GOLIM4: variants seen among roughly 807,000 people sequenced by gnomAD.
GOLIM4 encodes the protein 130 kDa golgi-localized phosphoprotein.
Under a neutral mutation model 107.4 loss-of-function variants are expected in GOLIM4, and 71 were observed. The ratio of observed to expected loss-of-function variants is 0.66; its 90% CI spans 0.55 to 0.81. GOLIM4 has a LOEUF of 0.81. Ranked by LOEUF, GOLIM4 falls within the 30% of genes least tolerant of loss-of-function variation. The probability of loss-of-function intolerance (pLI) is 0.00; values close to 1 mark genes in which losing one functional copy is unlikely to be tolerated. For synonymous variants in GOLIM4, 327 were observed against 294.8 expected, an observed-to-expected ratio of 1.11 and a Z score of -1.12; for missense variants, 830 against 826.1, an observed-to-expected ratio of 1.00 and a Z score of -0.06.
chr3:168,059,505 A>T (rs1720145723), intron 1 of GOLIM4, among the ~76,000 whole-genome samples: 1 of 152,238 alleles, frequency 6.6e-6, no homozygotes, highest in Non-Finnish European at 1.5e-5. Context: ...TTACTACTGC[A>T]TCCCAAATAT....
chr3:168,092,512 T>A (rs1004857165), intron 1 of GOLIM4, among the ~76,000 whole-genome samples: 3 of 152,198 alleles, frequency 2.0e-5, no homozygotes, highest in Non-Finnish European at 2.9e-5. Flanking sequence ...ATACGCTCAC[T>A]TAACGAACGC....
At chr3:168,029,708 A>C in intron 10 of GOLIM4, 72 bp downstream of exon 10, 1 of 1,558,770 alleles carries the variant, frequency 6.4e-7, no homozygotes, top group Non-Finnish European at 8.7e-7. Context: ...CAAATGCACA[A>C]AACTGTTTTT....
chr3:168,065,672 C>T (rs570327238), intron 1 of GOLIM4, among the ~76,000 whole-genome samples: 2 of 152,226 alleles, frequency 1.3e-5, no homozygotes, highest in South Asian at 2.1e-4. Flanking sequence ...ATAACTCTTC[C>T]ACATACTGGG....
chr3:168,064,105 A>C (rs1160321723), intron 1 of GOLIM4, among the ~76,000 whole-genome samples: 1 of 152,182 alleles, frequency 6.6e-6, no homozygotes, highest in Non-Finnish European at 1.5e-5. Context: ...TGGTCCCAGG[A>C]GGCTTCCCCA....
At chr3:168,044,602 T>C (rs1719197496) in intron 4 of GOLIM4, among the ~76,000 whole-genome samples, 1 of 152,192 alleles carries the variant, frequency 6.6e-6, no homozygotes, top group African/African-American at 2.4e-5. Context: ...GAGCCTGATT[T>C]GCAAGAAAAT....
intron 1 of GOLIM4, among the ~76,000 whole-genome samples, chr3:168,050,929 G>A (rs1201165148): frequency 2.0e-5 from 3 of 151,488 alleles, no homozygotes; most frequent in Admixed American, 2.0e-4. Context: ...ACCCACCCCA[G>A]TCACCTCAGA....
Position 168,029,265 on chromosome 3 carries a change from C to G in GOLIM4, c.1471G>C (p.Val491Leu), listed in dbSNP as rs373725217. 2 of 1,610,780 alleles carry G rather than the reference C, an allele frequency of 1.2e-6. No homozygotes were observed. Among genetic ancestry groups the G allele is most frequent in the East Asian group, 2.2e-5 (1 of 44,772 alleles). The part of the protein sequence containing the change: ...AHYDAMDNDI[V>L]QGAEDQGIQG... ...ATTCCCTGGTCCTCTGCTCCCTGAA[C>G]GATATCATTATCCATAGCATCATAA... is the stretch of plus-strand genomic sequence containing the variant. Residue 491 changes from valine to leucine, a missense_variant, in exon 11 of 16, where the codon GTT becomes CTT. Physicochemically the swap from Val to Leu is conservative, Grantham distance 32 (BLOSUM62 1). Transcript: ENST00000470487.
chr3:168,075,365 C>T (rs1039846020), intron 1 of GOLIM4, among the ~76,000 whole-genome samples: 12 of 131,604 alleles, frequency 9.1e-5, no homozygotes, highest in African/African-American at 3.5e-4. Context: ...GGCGGGATCT[C>T]GGCTCACTGC....
In GOLIM4 at chr3:168,032,569, T is replaced by C. The variant is rs144204434; in HGVS notation, c.1127A>G (p.His376Arg). ...EEQDREWKEQ[H>R]EQREAANLLE... ...GAGGTTGGCTGCTTCTCGTTGCTCA[T>C]GCTGCTCTTTCCACTCCCGATCCTG... is the stretch of plus-strand genomic sequence containing the variant. Residue 376 changes from histidine to arginine, a missense_variant, in exon 9 of 16, where the codon CAT becomes CGT. By Grantham distance (29) the His-to-Arg change is conservative. Coordinates refer to ENST00000470487, the MANE Select transcript of GOLIM4 (RefSeq NM_014498.5). 9 of 1,613,990 alleles carry C rather than the reference T, an allele frequency of 5.6e-6. No individual in the cohort carries two copies. Among genetic ancestry groups the C allele is most frequent in the South Asian group, 3.3e-5 (3 of 91,068 alleles).
intron 11 of GOLIM4, among the ~76,000 whole-genome samples, chr3:168,028,448 A>G (rs926121850): frequency 1.3e-5 from 2 of 152,252 alleles, no homozygotes; most frequent in Non-Finnish European, 2.9e-5. Flanking sequence ...ATCACTTTTT[A>G]AAACAAGTAA....
rs529485427 is a variant in GOLIM4 at position 168,023,411 on chromosome 3, A to G, written c.1860+1115T>C. Among the ~76,000 whole-genome samples the G allele has an allele frequency of 3.3e-5, 5 of 152,384 alleles. No individual in the cohort carries two copies. In the East Asian group the frequency reaches 9.6e-4, roughly 29 times the overall value. ...TATTAGAAATGTTGCCAGTGACCTT[A>G]AAGAGCAACATCCTTTTCTGTTTTC... On this transcript the variant is annotated intron_variant, in intron 14 of 15. Coordinates refer to ENST00000470487, the MANE Select transcript of GOLIM4 (RefSeq NM_014498.5).
At chr3:168,046,467 TC>T (rs2108250872) in intron 3 of GOLIM4, among the ~76,000 whole-genome samples, 2 of 152,292 alleles carry the variant, frequency 1.3e-5, no homozygotes, top group East Asian at 3.9e-4. Context: ...AGTGTCTGTG[TC>T]CCTGGGTACT....
rs371236504 is a variant in GOLIM4, at chr3:168,010,740, T to C, written c.1941+3A>G. ...TCAATAGAAATATGTATCCCGGTCATACATTTTCATCATTTTCACCATAGG... is the reference window on the plus strand; with the variant it reads ...TCAATAGAAATATGTATCCCGGTCACACATTTTCATCATTTTCACCATAGG... On this transcript the variant is annotated splice_donor_region_variant and intron_variant, in intron 15 of 15. Coordinates refer to ENST00000470487, the MANE Select transcript of GOLIM4 (RefSeq NM_014498.5). The C allele has an allele frequency of 6.3e-7, 1 of 1,594,318 alleles. No individual in the cohort carries two copies. Among genetic ancestry groups the C allele is most frequent in the Non-Finnish European group, 8.6e-7 (1 of 1,162,406 alleles).
intron 1 of GOLIM4, among the ~76,000 whole-genome samples, chr3:168,055,088 C>T (rs532677654): frequency 8.4e-4 from 128 of 152,166 alleles, no homozygotes; most frequent in Non-Finnish European, 5.6e-4. Flanking sequence ...ATGTTTTTTT[C>T]AGCAGCATGA....
At chr3:168,095,042 C>G in intron 1 of GOLIM4, 57 bp downstream of exon 1, 2 of 1,393,690 alleles carry the variant, frequency 1.4e-6, no homozygotes, top group Non-Finnish European at 2.0e-6. Context: ...TTTTCCTGCC[C>G]GGGTGGAGGC....
chr3:168,022,770 G>T (rs1382345790), intron 14 of GOLIM4, among the ~76,000 whole-genome samples: 1 of 152,170 alleles, frequency 6.6e-6, no homozygotes, highest in East Asian at 1.9e-4. Context: ...TGGTAACCTG[G>T]AGCACATGCT....
chr3:168,033,563 C>CAT, intron 8 of GOLIM4, among the ~76,000 whole-genome samples: 1 of 122,884 alleles, frequency 8.1e-6, no homozygotes, highest in African/African-American at 3.3e-5. Context: ...GCCGAGATTG[C>CAT]GCCACTGCAC....
intron 1 of GOLIM4, among the ~76,000 whole-genome samples, chr3:168,080,413 T>C (rs149975258): frequency 2.4e-4 from 37 of 152,308 alleles, no homozygotes; most frequent in African/African-American, 8.9e-4. Context: ...AGTTTTAAAA[T>C]TGATATTTAA....
intron 14 of GOLIM4, among the ~76,000 whole-genome samples, chr3:168,022,414 T>C (rs1028266506): frequency 3.9e-5 from 6 of 151,956 alleles, no homozygotes; most frequent in Non-Finnish European, 8.8e-5. Flanking sequence ...ACCAATGAGG[T>C]TTCATACACA....
Sources: gnomAD v4.1 joint callset for allele counts (sites outside exome capture counted in the v4.1 genomes callset) on GRCh38, gnomAD v4.1.1 for gene constraint, MANE v1.5 for transcripts, NCBI Gene and HGNC (gene_info 2026-07-23, HGNC 2026-07-21) for gene names.